The following SRCAP variants were observed in gnomAD, a reference collection of about 807,000 sequenced individuals.
SRCAP encodes Snf2 related CREBBP activator protein.
Under a neutral mutation model 263.1 loss-of-function variants are expected in SRCAP, and 46 were observed. That is an observed-to-expected ratio of 0.17 (90% CI 0.14 to 0.22). SRCAP has a LOEUF of 0.22. Among genes scored for constraint, SRCAP ranks in the 10% least tolerant of loss-of-function variants. SRCAP has a pLI of 1.00. For missense variants in SRCAP, 3,695 were observed against 4,181.9 expected (o/e 0.88, Z 3.21); for synonymous variants, 1,813 against 1,662.1 (o/e 1.09, Z -2.21).
At chr16:30,701,461 A>G (rs535889921) in intron 3 of SRCAP, 2 of 152,218 alleles carry the variant, frequency 1.3e-5, no homozygotes, top group Non-Finnish European at 2.9e-5. Flanking sequence ...ATGTTTGTAA[A>G]GTTGGTATTT....
intron 18 of SRCAP, 34 bp downstream of exon 18, chr16:30,716,513 G>T (rs1282989528): frequency 3.8e-6 from 6 of 1,574,792 alleles, no homozygotes; most frequent in Non-Finnish European, 5.2e-6. Context: ...AAATGTAAAG[G>T]TTATCGGCAT....
intron 25 of SRCAP, among the ~76,000 whole-genome samples, chr16:30,728,437 G>A (rs2053083210): frequency 6.6e-6 from 1 of 152,184 alleles, no homozygotes; most frequent in Non-Finnish European, 1.5e-5. Flanking sequence ...CTCACTGCCG[G>A]GTTGCCCATT....
In SRCAP at chr16:30,739,472, A is replaced by G; in HGVS notation, c.9432A>G (p.Pro3144=). ...TGCCTCGCAAACGAGCAGGGGCCCC[A>G]GTTGGTGGGAGTCCTGGGCTGGCAA... ...EKLPRKRAGA[P]VGGSPGLAKR... is the part of the protein sequence containing the mutation. Residue 3144 remains proline (P), a synonymous_variant, in exon 34 of 34, where the codon CCA becomes CCG. Transcript: ENST00000262518. 1 of 1,614,046 alleles carries G rather than the reference A, an allele frequency of 6.2e-7. No homozygotes were observed. Among genetic ancestry groups the G allele is most frequent in the Non-Finnish European group, 8.5e-7 (1 of 1,180,000 alleles).
At position 30,737,131 on chromosome 16, in the gene SRCAP, CG is replaced by C; in HGVS notation, c.7096del (p.Ala2366LeufsTer109). On this transcript the variant is annotated frameshift_variant, in exon 34 of 34. Coordinates refer to ENST00000262518, the MANE Select transcript of SRCAP (RefSeq NM_006662.3). ...FRLPQEEEEG[P>X]GAGDESSCGT... ...CTACCCCAAGAGGAGGAGGAGGGGC[CG>C]GGGGCTGGGGATGAGAGTTCCTGTG... is the stretch of plus-strand genomic sequence containing the variant. The C allele has an allele frequency of 6.2e-7, 1 of 1,613,596 alleles. No homozygotes were observed. Among genetic ancestry groups the C allele is most frequent in the Non-Finnish European group, 8.5e-7 (1 of 1,179,826 alleles).
chr16:30,728,820 A>T, intron 25 of SRCAP, 146 bp from the exon 26 acceptor site: 1 of 901,928 alleles, frequency 1.1e-6, no homozygotes, highest in Non-Finnish European at 1.6e-6. Flanking sequence ...AATAGTTCTC[A>T]TTGATAACTT....
rs772086026 is a variant in SRCAP, at chr16:30,724,918, C to G, written c.5494C>G (p.Pro1832Ala). ...SLVVSASGAAPLPVTMVSRLP... is the reference protein window; with the variant it reads ...SLVVSASGAAALPVTMVSRLP... ...TGTGGTTTCGGCATCTGGTGCCGCT[C>G]CCTTGCCTGTCACCATGGTATCCCG... The change falls in exon 25 of 34, where the codon CCC becomes GCC. Residue 1832 changes from proline (P) to alanine (A), a missense_variant. Physicochemically the swap from Pro to Ala is conservative, Grantham distance 27. This residue lies in a region of SRCAP where 1,347 missense variants were observed against 1,304.4 expected (regional missense o/e 1.03). Transcript: ENST00000262518. The G allele has an allele frequency of 5.0e-6, 8 of 1,614,248 alleles. No homozygotes were observed. Among genetic ancestry groups the G allele is most frequent in the Non-Finnish European group, 6.8e-6 (8 of 1,180,052 alleles).
chr16:30,700,857 G>A lies in SRCAP; in HGVS notation c.33G>A (p.Gln11=), dbSNP rs367593794. The stretch of plus-strand genomic sequence containing the variant: ...GCAGCCCCTCCCCTGCTCACCCTCA[G>A]CTCCCAGTCCTACAGACACAGGTTT... MQSSPSPAHP[Q]LPVLQTQMVS... Residue 11 remains glutamine, a synonymous_variant, in exon 3 of 34, where the codon CAG becomes CAA. Coordinates refer to ENST00000262518, the MANE Select transcript of SRCAP (RefSeq NM_006662.3). The A allele has an allele frequency of 5.0e-6, 8 of 1,614,072 alleles. No individual in the cohort carries two copies. The highest frequency in any genetic ancestry group is 5.9e-6 in the Non-Finnish European group (7 of 1,180,024).
intron 25 of SRCAP, 109 bp from the exon 26 acceptor site, chr16:30,728,857 T>C: frequency 7.5e-7 from 1 of 1,326,078 alleles, no homozygotes; most frequent in Non-Finnish European, 1.0e-6. Flanking sequence ...CATAGTGTAT[T>C]TTTGGATCCC....
intron 33 of SRCAP, 36 bp from the exon 34 acceptor site, chr16:30,737,013 C>T: frequency 6.5e-7 from 1 of 1,542,374 alleles, no homozygotes; most frequent in Non-Finnish European, 8.7e-7. Context: ...ACTCTGCTTG[C>T]CTCCTCCTGA....
In SRCAP at chr16:30,729,094, C is replaced by T; in HGVS notation, c.5787C>T (p.Pro1929=). The change falls in exon 26 of 34, where the codon CCC becomes CCT. Residue 1929 remains proline, a synonymous_variant. Transcript: ENST00000262518. ...GTEVLDFCTL[P]QPVASPIGPR... The stretch of plus-strand genomic sequence containing the variant: ...AAGTCCTGGATTTCTGTACCCTGCC[C>T]CAACCTGTTGCCAGCCCCATCGGCC... 6.2e-7 allele frequency: 1 copy of T among 1,614,196 alleles called. No homozygotes were observed. The highest frequency in any genetic ancestry group is 8.5e-7 in the Non-Finnish European group (1 of 1,180,038).
intron 27 of SRCAP, among the ~76,000 whole-genome samples, chr16:30,729,849 C>T (rs2053096849): frequency 6.6e-6 from 1 of 152,162 alleles, no homozygotes; most frequent in Non-Finnish European, 1.5e-5. Flanking sequence ...TCTCAGCTCA[C>T]TGCAGCCTCC....
chr16:30,721,022 A>C (rs1305536984), intron 20 of SRCAP, 44 bp downstream of exon 20: 1 of 1,563,304 alleles, frequency 6.4e-7, no homozygotes, highest in Non-Finnish European at 8.7e-7. Context: ...TGCTTCAGAA[A>C]GGTTGTTCAG....
rs201407582 is a variant in SRCAP, at chr16:30,724,045, G to A, written c.4621G>A (p.Val1541Met). 6.5e-5 allele frequency: 105 copies of A among 1,613,738 alleles called. 1 individual carries two copies. In the Admixed American group the frequency reaches 1.5e-3, roughly 23 times the overall value. Residue 1541 changes from valine (V) to methionine (M), a missense_variant, in exon 25 of 34, where the codon GTG becomes ATG. Physicochemically the swap from Val to Met is conservative, Grantham distance 21 (BLOSUM62 1). Coordinates refer to ENST00000262518, the MANE Select transcript of SRCAP (RefSeq NM_006662.3). ...ACATGTTCCAGGGTTGAACTCAACC[G>A]TGGCCCCAGCATGCTCACCTGTCCT... ...SSHVPGLNSTVAPACSPVLVP... is the reference protein window; with the variant it reads ...SSHVPGLNSTMAPACSPVLVP...
intron 6 of SRCAP, among the ~76,000 whole-genome samples, chr16:30,708,836 T>C (rs2052856002): frequency 6.6e-6 from 1 of 152,036 alleles, no homozygotes; most frequent in African/African-American, 2.4e-5. Flanking sequence ...TTTTTTGTTT[T>C]TGAGACGGAG....
At position 30,737,890 on chromosome 16, in the gene SRCAP, C is replaced by T. The variant is rs201670251; in HGVS notation, c.7850C>T (p.Pro2617Leu). 88 of 1,614,198 alleles carry T rather than the reference C, an allele frequency of 5.5e-5. No individual in the cohort carries two copies. The African/African-American group carries it at 1.1e-3, about 21-fold the overall frequency. ...CTGACCTTGGAGGCTGGCAGCATCC[C>T]CAATGGTCAAGAGCAGGAGGCACCA... ...PSLTLEAGSI[P>L]NGQEQEAPDS... Residue 2617 changes from proline to leucine, a missense_variant, in exon 34 of 34, where the codon CCC becomes CTC. Transcript: ENST00000262518.
Position 30,713,396 on chromosome 16 carries a change from A to G in SRCAP, c.2300+19A>G. Reference sequence around the variant, plus strand: ...TCAACAGGTGGAGATGGAGATGGGGATTCATGGGAGGGTTGACTTGGCTAG... The same window carrying G: ...TCAACAGGTGGAGATGGAGATGGGGGTTCATGGGAGGGTTGACTTGGCTAG... On this transcript the variant is annotated intron_variant, in intron 15 of 33. Coordinates refer to ENST00000262518, the MANE Select transcript of SRCAP (RefSeq NM_006662.3). The G allele has an allele frequency of 1.2e-6, 2 of 1,613,846 alleles. No homozygotes were observed. Among genetic ancestry groups the G allele is most frequent in the South Asian group, 2.2e-5 (2 of 91,078 alleles).
At position 30,739,368 on chromosome 16, in the gene SRCAP, G is replaced by A. The variant is rs2151301345; in HGVS notation, c.9328G>A (p.Val3110Met). The A allele has an allele frequency of 6.2e-7, 1 of 1,614,218 alleles. No homozygotes were observed. Among genetic ancestry groups the A allele is most frequent in the Middle Eastern group, 1.6e-4 (1 of 6,062 alleles). The part of the protein sequence containing the change: ...GPGGLELTPP[V>M]VSLTPKLRST... ...AGGCGGGTTGGAATTGACACCACCT[G>A]TGGTCTCACTAACCCCAAAACTGCG... The change falls in exon 34 of 34, where the codon GTG (valine) becomes ATG (methionine). Residue 3110 changes from valine to methionine, a missense_variant. By Grantham distance (21) the Val-to-Met change is conservative (BLOSUM62 1). Coordinates refer to ENST00000262518, the MANE Select transcript of SRCAP (RefSeq NM_006662.3).
In SRCAP at chr16:30,712,068, A is replaced by G. The variant is rs140425129; in HGVS notation, c.1726A>G (p.Thr576Ala). The stretch of plus-strand genomic sequence containing the variant: ...CAGTGGGCCTCCTACTCCAGGGCCC[A>G]CTACTCTAGGTCCAAAGAAAGAAAT... Reference protein sequence around the residue: ...AGSGPPTPGPTTLGPKKEITD... With the variant: ...AGSGPPTPGPATLGPKKEITD... The change falls in exon 12 of 34, where the codon ACT becomes GCT. Residue 576 changes from threonine (T) to alanine (A), a missense_variant. Thr to Ala is a moderately conservative substitution (Grantham distance 58). Coordinates refer to ENST00000262518, the MANE Select transcript of SRCAP (RefSeq NM_006662.3). 1.9e-6 allele frequency: 3 copies of G among 1,614,084 alleles called. No homozygotes were observed. Among genetic ancestry groups the G allele is most frequent in the Admixed American group, 1.7e-5 (1 of 60,008 alleles).
In SRCAP at chr16:30,729,401, C is replaced by T. The variant is rs2053092537; in HGVS notation, c.5956C>T (p.Pro1986Ser). 1.9e-6 allele frequency: 3 copies of T among 1,614,172 alleles called. No individual in the cohort carries two copies. Among genetic ancestry groups the T allele is most frequent in the Non-Finnish European group, 2.5e-6 (3 of 1,180,028 alleles). Residue 1986 changes from proline (P) to serine (S), a missense_variant, in exon 27 of 34, where the codon CCT becomes TCT. This residue lies in a region of SRCAP where 1,347 missense variants were observed against 1,304.4 expected (regional missense o/e 1.03). Coordinates refer to ENST00000262518, the MANE Select transcript of SRCAP (RefSeq NM_006662.3). ...CTTTGTCATGCCTCCTGTGGAGGCACCTCCCCCTTCCCTGCATGCCTGCCA... is the reference window on the plus strand; with the variant it reads ...CTTTGTCATGCCTCCTGTGGAGGCATCTCCCCCTTCCCTGCATGCCTGCCA... ...FIFVMPPVEAPPPSLHACHPP... is the reference protein window; with the variant it reads ...FIFVMPPVEASPPSLHACHPP...
Sources: allele counts gnomAD v4.1 joint callset (sites outside exome capture counted in the v4.1 genomes callset), GRCh38; gene constraint gnomAD v4.1.1; regional missense constraint gnomAD v4.1.1; transcripts MANE v1.5; gene names NCBI Gene and HGNC (gene_info 2026-07-23, HGNC 2026-07-21).